ZNF341: variants seen among roughly 807,000 people sequenced by gnomAD.
ZNF341 encodes zinc finger protein 341.
In ZNF341, 52 loss-of-function variants were observed where a neutral mutation model predicts 87.7. The observed-to-expected ratio is 0.59, with a 90% confidence interval of 0.47 to 0.75. ZNF341 has a LOEUF of 0.75. Ranked by LOEUF, ZNF341 falls within the 30% of genes least tolerant of loss-of-function variation. ZNF341 has a pLI of 0.00. For missense variants in ZNF341, 977 were observed against 1,145.9 expected (o/e 0.85, Z 2.13); for synonymous variants, 459 against 472.7 (o/e 0.97, Z 0.38).
chr20:33,766,911 A>G lies in ZNF341; in HGVS notation c.1283A>G (p.Glu428Gly), dbSNP rs1394360488. Residue 428 changes from glutamate (E) to glycine (G), a missense_variant, in exon 9 of 15, where the codon GAA becomes GGA. By Grantham distance (98) the Glu-to-Gly change is moderately conservative. Transcript: ENST00000375200. ...QPQALSTAGE[E>G]EGDKPESKQV... ...CAGGCCTTGTCCACAGCTGGTGAGG[A>G]AGAGGGGGACAAGCCGGAGTCCAAG... is the stretch of plus-strand genomic sequence containing the variant. 5 of 1,614,120 alleles carry G rather than the reference A, an allele frequency of 3.1e-6. No individual in the cohort carries two copies. Among genetic ancestry groups the G allele is most frequent in the Non-Finnish European group, 4.2e-6 (5 of 1,180,000 alleles).
intron 8 of ZNF341, among the ~76,000 whole-genome samples, chr20:33,764,556 TA>T: frequency 1.3e-5 from 1 of 79,950 alleles, no homozygotes; most frequent in Non-Finnish European, 2.3e-5. Context: ...TATATATATA[TA>T]TATATTTTTT....
intron 1 of ZNF341, among the ~76,000 whole-genome samples, chr20:33,734,095 C>T (rs11905549): frequency 6.6e-6 from 1 of 152,164 alleles, no homozygotes; most frequent in Non-Finnish European, 1.5e-5. Context: ...AAATCAGTTC[C>T]TAGGACAGTG....
chr20:33,759,773 GGAGAGA>G lies in ZNF341; in HGVS notation c.1028+979_1028+984del, dbSNP rs747433113. 2.0e-3 allele frequency among the ~76,000 whole-genome samples: 192 copies of G among 97,366 alleles called. 1 individual carries two copies. Among genetic ancestry groups the G allele is most frequent in the African/African-American group, 0.011 (174 of 16,494 alleles). The allele number at this position is 97,366 out of a possible 152,430, so 63.9% of individuals were successfully genotyped here. A position where few individuals can be genotyped will look rare whatever the true frequency, so the allele number is the denominator to read the frequency against. ...ATAACAAAAGGAGAGAGAGAGAGAG[GGAGAGA>G]GAGAGAGAGAGGGAGAGAGAGAGAA... On this transcript the variant is annotated intron_variant, in intron 7 of 14. Transcript: ENST00000375200.
intron 1 of ZNF341, among the ~76,000 whole-genome samples, chr20:33,736,564 A>G (rs1271367714): frequency 1.3e-5 from 2 of 152,038 alleles, no homozygotes; most frequent in Non-Finnish European, 2.9e-5. Context: ...ATCTTGGCTC[A>G]CTGCAACCTC....
At chr20:33,789,937 C>T (rs1253859628) in intron 14 of ZNF341, among the ~76,000 whole-genome samples, 1 of 152,096 alleles carries the variant, frequency 6.6e-6, no homozygotes, top group East Asian at 1.9e-4. Flanking sequence ...TTTGATAGGG[C>T]AGGGCAGGGG....
intron 7 of ZNF341, among the ~76,000 whole-genome samples, 179 bp from the exon 8 acceptor site, chr20:33,761,683 C>T (rs2019292932): frequency 1.3e-5 from 2 of 152,180 alleles, no homozygotes; most frequent in Non-Finnish European, 2.9e-5. Flanking sequence ...GACCCGGAAC[C>T]CAGGGTCTTT....
chr20:33,733,638 G>T (rs867772624), intron 1 of ZNF341, among the ~76,000 whole-genome samples: 2 of 152,168 alleles, frequency 1.3e-5, no homozygotes, highest in Non-Finnish European at 1.5e-5. Flanking sequence ...CTCCCAAAGT[G>T]CTGGGATTAC....
At chr20:33,750,721 A>G (rs567287814) in intron 4 of ZNF341, among the ~76,000 whole-genome samples, 33 of 152,130 alleles carry the variant, frequency 2.2e-4, no homozygotes, top group Non-Finnish European at 3.4e-4. Context: ...GCTCACTGCA[A>G]TCTCCGCATC....
intron 10 of ZNF341, among the ~76,000 whole-genome samples, chr20:33,771,148 A>C (rs2019524844): frequency 6.6e-6 from 1 of 152,148 alleles, no homozygotes; most frequent in Non-Finnish European, 1.5e-5. Context: ...AATAAAATGA[A>C]CGGTAACATG....
chr20:33,772,360 G>A (rs751965633), intron 10 of ZNF341, among the ~76,000 whole-genome samples: 28 of 152,090 alleles, frequency 1.8e-4, no homozygotes, highest in Non-Finnish European at 3.5e-4. Flanking sequence ...TTGCTTCTCT[G>A]TACAAACTTG....
intron 10 of ZNF341, among the ~76,000 whole-genome samples, chr20:33,774,470 A>G (rs760188330): frequency 1.3e-5 from 2 of 152,204 alleles, no homozygotes; most frequent in Non-Finnish European, 2.9e-5. Context: ...ATCCTTTGGC[A>G]TATATGTGTA....
intron 9 of ZNF341, among the ~76,000 whole-genome samples, chr20:33,767,910 G>A (rs2019442295): frequency 2.0e-5 from 3 of 152,060 alleles, no homozygotes; most frequent in Admixed American, 6.6e-5. Context: ...TTAGCTTATG[G>A]GCTTCATCCT....
At chr20:33,770,430 C>A in intron 10 of ZNF341, 138 bp downstream of exon 10, 1 of 836,694 alleles carries the variant, frequency 1.2e-6, no homozygotes, top group South Asian at 1.8e-5. Flanking sequence ...TGGCTGGGGT[C>A]CAGCCTGGCA....
intron 3 of ZNF341, 143 bp downstream of exon 3, chr20:33,745,442 A>G: frequency 1.2e-6 from 1 of 802,410 alleles, no homozygotes; most frequent in Non-Finnish European, 1.9e-6. Flanking sequence ...GATGGTGCAC[A>G]TGTACTGTTT....
chr20:33,745,971 C>T (rs1396301677), intron 3 of ZNF341, among the ~76,000 whole-genome samples: 1 of 143,844 alleles, frequency 7.0e-6, no homozygotes, highest in African/African-American at 2.6e-5. Context: ...TGCTCTGTTG[C>T]CCAGGCTGGA....
intron 14 of ZNF341, among the ~76,000 whole-genome samples, chr20:33,790,439 C>G (rs1207204178): frequency 6.6e-6 from 1 of 151,504 alleles, no homozygotes; most frequent in Admixed American, 6.6e-5. Context: ...TAGCAGTATC[C>G]CTGGCTTCTA....
chr20:33,790,063 G>C (rs1209869870), intron 14 of ZNF341, among the ~76,000 whole-genome samples: 1 of 151,066 alleles, frequency 6.6e-6, no homozygotes, highest in African/African-American at 2.5e-5. Flanking sequence ...TGACAATTTG[G>C]GCCAGATAAT....
At chr20:33,784,106 A>C (rs1342091698) in intron 12 of ZNF341, among the ~76,000 whole-genome samples, 6 of 48,578 alleles carry the variant, frequency 1.2e-4, no homozygotes, top group East Asian at 7.7e-4. Flanking sequence ...CCTCCTCCCC[A>C]TCTCCCTCCA....
At chr20:33,776,221 G>A (rs1048942309) in intron 10 of ZNF341, among the ~76,000 whole-genome samples, 2 of 151,784 alleles carry the variant, frequency 1.3e-5, no homozygotes, top group Non-Finnish European at 2.9e-5. Flanking sequence ...TGGGTAGCTG[G>A]GACTACAAGC....
Sources: allele counts gnomAD v4.1 joint callset (sites outside exome capture counted in the v4.1 genomes callset), GRCh38; gene constraint gnomAD v4.1.1; transcripts MANE v1.5; gene names NCBI Gene and HGNC (gene_info 2026-07-23, HGNC 2026-07-21).